Variants in BRWD1 observed in about 807,000 individuals in gnomAD.
The protein encoded by BRWD1 is bromodomain and WD repeat-containing protein 1.
Under a neutral mutation model 251.2 loss-of-function variants are expected in BRWD1, and 82 were observed. The observed-to-expected ratio is 0.33, with a 90% confidence interval of 0.27 to 0.39. The LOEUF is 0.39. BRWD1 is among the 10% of genes least tolerant of loss of function. BRWD1 has a pLI of 1.00. For missense variants in BRWD1, 2,233 were observed against 2,711.6 expected, an observed-to-expected ratio of 0.82 and a Z score of 3.92; for synonymous variants, 918 against 902.8, an observed-to-expected ratio of 1.02 and a Z score of -0.30.
rs972118860 is a variant in BRWD1, at chr21:39,186,144, A to G, written c.*10115T>C. ...AAAAGATTTCACTGTATCTAAAAAT[A>G]TGACTGTTTTGATCTTAAGCTATAC... On this transcript the variant is annotated 3_prime_UTR_variant, in exon 41 of 41. Coordinates refer to ENST00000342449, the MANE Select transcript of BRWD1 (RefSeq NM_033656.4). 3 of 152,210 alleles carry G rather than the reference A, an allele frequency of 2.0e-5. No individual in the cohort carries two copies. Among genetic ancestry groups the G allele is most frequent in the Non-Finnish European group, 4.4e-5 (3 of 68,026 alleles). The allele number at this position is 152,210 out of a possible 1,614,324, so 9.4% of individuals were successfully genotyped here.
Position 39,247,843 on chromosome 21 carries a change from G to A in BRWD1, c.2350-11C>T. 6.3e-7 allele frequency: 1 copy of A among 1,582,104 alleles called. No individual in the cohort carries two copies. Among genetic ancestry groups the A allele is most frequent in the African/African-American group, 1.4e-5 (1 of 73,488 alleles). ...AACCACTGAATCCGACTGAAACACA[G>A]AAAAACATGCGAATGAAAATCAACA... is the stretch of plus-strand genomic sequence containing the variant. On this transcript the variant is annotated splice_polypyrimidine_tract_variant and intron_variant, in intron 20 of 40. Transcript: ENST00000342449.
chr21:39,276,259 T>C (rs781371172), intron 11 of BRWD1, 46 bp from the exon 12 acceptor site: 1 of 1,520,202 alleles, frequency 6.6e-7, no homozygotes, highest in Non-Finnish European at 8.9e-7. Context: ...ATCTACATGG[T>C]CTGTGAATTT....
In BRWD1 at chr21:39,312,834, T is replaced by A; in HGVS notation, c.198+7A>T. 1 of 1,573,392 alleles carries A rather than the reference T, an allele frequency of 6.4e-7. No homozygotes were observed. The highest frequency in any genetic ancestry group is 8.6e-7 in the Non-Finnish European group (1 of 1,160,846). The stretch of plus-strand genomic sequence containing the variant: ...AAACCCGGGGAGCAAACGTGCCCAA[T>A]GCTCACCAACTCCTCGTAGCTCCTG... On this transcript the variant is annotated splice_region_variant and intron_variant, in intron 4 of 40. Coordinates refer to ENST00000342449, the MANE Select transcript of BRWD1 (RefSeq NM_033656.4).
At chr21:39,241,473 T>TAAAAAAAAAAAAAAAAAAAAAAAA (rs61488970) in intron 21 of BRWD1, among the ~76,000 whole-genome samples, 3 of 44,920 alleles carry the variant, frequency 6.7e-5, no homozygotes, top group African/African-American at 1.4e-4. Flanking sequence ...ATCTCCAAAG[T>TAAAAAAAAAAAAAAAAAAAAAAAA]AAAAAAAAAA....
Position 39,197,163 on chromosome 21 carries a change from C to G in BRWD1, c.5906G>C (p.Cys1969Ser). The part of the protein sequence containing the change: ...NGRKKPLHLA[C>S]TTAKKKLSDC... The stretch of plus-strand genomic sequence containing the variant: ...ACTCAATTTCTTCTTAGCTGTAGTA[C>G]AAGCAAGATGGAGAGGTTTTTTCCT... Residue 1969 changes from cysteine to serine, a missense_variant, in exon 41 of 41, where the codon TGT becomes TCT. Coordinates refer to ENST00000342449, the MANE Select transcript of BRWD1 (RefSeq NM_033656.4). 6.2e-7 allele frequency: 1 copy of G among 1,614,132 alleles called. No homozygotes were observed. The highest frequency in any genetic ancestry group is 8.5e-7 in the Non-Finnish European group (1 of 1,179,976).
downstream of BRWD1, chr21:39,184,351 GTGAT>G (rs2031088490): frequency 6.6e-6 from 1 of 152,226 alleles, no homozygotes; most frequent in Non-Finnish European, 1.5e-5. Flanking sequence ...AGCAGAATGT[GTGAT>G]TGTTCTTTAA....
chr21:39,314,393 G>A (rs894109014), upstream of BRWD1: 1 of 452,944 alleles, frequency 2.2e-6, no homozygotes, highest in Non-Finnish European at 4.4e-6. Flanking sequence ...TGCGGCTGAC[G>A]GCTCGGCTGG....
rs770213068 is a variant in BRWD1 at position 39,188,996 on chromosome 21, G to A, written c.*7263C>T. ...TGTGGGAAGAGAAGTGGCTTAAAGT[G>A]CACTGTGTTTACCACTTCAAAGACA... On this transcript the variant is annotated 3_prime_UTR_variant, in exon 41 of 41. Transcript: ENST00000342449. 6.6e-5 allele frequency: 65 copies of A among 985,214 alleles called. No homozygotes were observed. Among genetic ancestry groups the A allele is most frequent in the Non-Finnish European group, 7.6e-5 (63 of 829,924 alleles). The allele number at this position is 985,214 out of a possible 1,614,324, so 61.0% of individuals were successfully genotyped here.
intron 8 of BRWD1, among the ~76,000 whole-genome samples, chr21:39,286,806 G>A (rs982959115): frequency 1.3e-5 from 2 of 152,094 alleles, no homozygotes; most frequent in Non-Finnish European, 2.9e-5. Context: ...GAGCCACTGC[G>A]CCCGGCCCAT....
At chr21:39,216,003 C>T (rs2032876030) in intron 31 of BRWD1, among the ~76,000 whole-genome samples, 1 of 151,446 alleles carries the variant, frequency 6.6e-6, no homozygotes, top group African/African-American at 2.4e-5. Context: ...CTCTCAAAAA[C>T]AAACAAAAAA....
chr21:39,283,173 G>A (rs2035526708), intron 8 of BRWD1, among the ~76,000 whole-genome samples: 1 of 151,932 alleles, frequency 6.6e-6, no homozygotes, highest in Non-Finnish European at 1.5e-5. Flanking sequence ...ACAATTCTTT[G>A]CTCTTCTTTC....
At chr21:39,261,059 T>C (rs940127358) in intron 17 of BRWD1, among the ~76,000 whole-genome samples, 5 of 152,186 alleles carry the variant, frequency 3.3e-5, no homozygotes, top group African/African-American at 1.2e-4. Flanking sequence ...ACTTCATCTG[T>C]ACTAAAAATA....
At chr21:39,294,057 T>A in intron 7 of BRWD1, 25 bp from the exon 8 acceptor site, 1 of 1,575,990 alleles carries the variant, frequency 6.3e-7, no homozygotes, top group African/African-American at 1.4e-5. Context: ...ATCCAAAAAT[T>A]AATGTTAGTA....
chr21:39,312,775 G>T, intron 4 of BRWD1, 66 bp downstream of exon 4: 2 of 1,383,436 alleles, frequency 1.4e-6, no homozygotes, highest in South Asian at 1.3e-5. Flanking sequence ...GTCCCCGCGA[G>T]GGGAAGGGGC....
intron 4 of BRWD1, among the ~76,000 whole-genome samples, chr21:39,299,557 CT>C (rs2036051774): frequency 1.3e-5 from 2 of 152,072 alleles, no homozygotes; most frequent in African/African-American, 4.8e-5. Flanking sequence ...AGATATTGCT[CT>C]CATCTCGACA....
At chr21:39,198,153 A>G (rs1450021726) in intron 40 of BRWD1, among the ~76,000 whole-genome samples, 1 of 152,314 alleles carries the variant, frequency 6.6e-6, no homozygotes, top group African/African-American at 2.4e-5. Flanking sequence ...TCTGCTCTAC[A>G]GTATTTTATC....
intron 8 of BRWD1, among the ~76,000 whole-genome samples, chr21:39,284,790 G>A (rs2054702866): frequency 6.6e-6 from 1 of 152,068 alleles, no homozygotes. Flanking sequence ...CTATTGAGTT[G>A]AGTTCCTTAT....
At position 39,192,599 on chromosome 21, in the gene BRWD1, T is replaced by A; in HGVS notation, c.*3660A>T. On this transcript the variant is annotated 3_prime_UTR_variant, in exon 41 of 41. Transcript: ENST00000342449. Reference sequence around the variant, plus strand: ...AACATAAGAAAACTACAGTATTTGGTGACAACTGCAAGATACCTGATAAAT... The same window carrying A: ...AACATAAGAAAACTACAGTATTTGGAGACAACTGCAAGATACCTGATAAAT... The A allele has an allele frequency of 1.0e-6, 1 of 984,350 alleles. No homozygotes were observed. Among genetic ancestry groups the A allele is most frequent in the Non-Finnish European group, 1.2e-6 (1 of 829,018 alleles). 61.0% of individuals were successfully genotyped at this position (984,350 alleles called of 1,614,324 possible). A position where few individuals can be genotyped will look rare whatever the true frequency, so the allele number is the denominator to read the frequency against.
intron 28 of BRWD1, 103 bp from the exon 29 acceptor site, chr21:39,224,572 C>A: frequency 1.4e-6 from 1 of 696,900 alleles, no homozygotes; most frequent in Non-Finnish European, 2.4e-6. Context: ...AACCTCACTG[C>A]AGCAGTACAA....
Sources: allele counts gnomAD v4.1 joint callset (sites outside exome capture counted in the v4.1 genomes callset), GRCh38; gene constraint gnomAD v4.1.1; transcripts MANE v1.5; gene names NCBI Gene and HGNC (gene_info 2026-07-23, HGNC 2026-07-21).